Variants in DNAAF11 observed in about 807,000 individuals in gnomAD.
DNAAF11 encodes the protein leucine rich repeat containing 6.
DNAAF11 carries 45 observed loss-of-function variants against 60.8 expected under a neutral mutation model. The ratio of observed to expected loss-of-function variants is 0.74; its 90% CI spans 0.58 to 0.95. The LOEUF is 0.95. DNAAF11 is among the 40% of genes least tolerant of loss of function. The pLI, the probability that DNAAF11 is intolerant of heterozygous loss-of-function variation, is 0.00. For synonymous variants in DNAAF11, 191 were observed against 183.5 expected (o/e 1.04, Z -0.33); for missense variants, 546 against 546.2 (o/e 1.00, Z 0.00).
chr8:132,615,041 T>C lies in DNAAF11; in HGVS notation c.971A>G (p.Tyr324Cys), dbSNP rs779000571. 1.9e-6 allele frequency: 3 copies of C among 1,586,762 alleles called. No homozygotes were observed. In the South Asian group the frequency reaches 3.4e-5, roughly 18 times the overall value. Residue 324 changes from tyrosine to cysteine, a missense_variant, in exon 8 of 12, where the codon TAT (tyrosine) becomes TGT (cysteine). By Grantham distance (194) the Tyr-to-Cys change is radical (BLOSUM62 -2). Transcript: ENST00000620350. ...AATACGTAGAAAATGTCTTTACCTA[T>C]AGACAGCAAGGTCCAGGATGATCTG... is the stretch of plus-strand genomic sequence containing the variant. The part of the protein sequence containing the change: ...EKQIILDLAV[Y>C]RYMDTSLIDV...
chr8:132,674,594 G>A (rs1301900635), intron 1 of DNAAF11, among the ~76,000 whole-genome samples: 1 of 152,164 alleles, frequency 6.6e-6, no homozygotes, highest in Non-Finnish European at 1.5e-5. Context: ...TATTCTTAAA[G>A]AAACACGTTT....
intron 10 of DNAAF11, among the ~76,000 whole-genome samples, chr8:132,594,623 C>G (rs1586515993): frequency 6.6e-6 from 1 of 152,196 alleles, no homozygotes; most frequent in South Asian, 2.1e-4. Flanking sequence ...CAGTTTCCCC[C>G]ATGCTGTTCT....
rs912219762 is a variant in DNAAF11 at position 132,581,041 on chromosome 8, C to T, written c.1226+2653G>A. 3.9e-5 allele frequency among the ~76,000 whole-genome samples: 6 copies of T among 152,258 alleles called. No homozygotes were observed. In the South Asian group the frequency reaches 1.2e-3, roughly 32 times the overall value. ...TCTACGACAGAGGTGGCCTTCGTAA[C>T]AAATGTAGAAAGAATAACCATCTTA... On this transcript the variant is annotated intron_variant, in intron 11 of 11. Coordinates refer to ENST00000620350, the MANE Select transcript of DNAAF11 (RefSeq NM_012472.6).
intron 1 of DNAAF11, among the ~76,000 whole-genome samples, chr8:132,672,317 C>A (rs545271284): frequency 2.0e-5 from 3 of 152,250 alleles, no homozygotes; most frequent in Non-Finnish European, 2.9e-5. Flanking sequence ...AGATTAAATG[C>A]ACAGAGAGGA....
At chr8:132,592,706 C>T (rs555377799) in intron 10 of DNAAF11, among the ~76,000 whole-genome samples, 1 of 152,094 alleles carries the variant, frequency 6.6e-6, no homozygotes, top group East Asian at 1.9e-4. Context: ...ATTTATAATA[C>T]CATTGTAGTA....
At chr8:132,673,564 GCCTTC>G (rs1825394638) in intron 1 of DNAAF11, among the ~76,000 whole-genome samples, 1 of 152,034 alleles carries the variant, frequency 6.6e-6, no homozygotes, top group Non-Finnish European at 1.5e-5. Flanking sequence ...TACCTGTCAG[GCCTTC>G]CTTATCTCTT....
rs747731171 is a variant in DNAAF11, at chr8:132,628,771, T to C, written c.654-3317A>G. The stretch of plus-strand genomic sequence containing the variant: ...AAGACTCAAGGATCAGCCAGGCCTA[T>C]AAGGGAGGCAAGAAGGCACCTGCAA... On this transcript the variant is annotated intron_variant, in intron 5 of 11. Transcript: ENST00000620350. Among the ~76,000 whole-genome samples, 3 of 152,280 alleles carry C rather than the reference T, an allele frequency of 2.0e-5. No homozygotes were observed. The Middle Eastern group carries it at 0.01, about 518-fold the overall frequency.
intron 5 of DNAAF11, among the ~76,000 whole-genome samples, chr8:132,627,043 A>G (rs904982085): frequency 2.1e-4 from 32 of 152,222 alleles, no homozygotes; most frequent in African/African-American, 7.5e-4. Flanking sequence ...ATGCAACTAA[A>G]TATTTTAATA....
chr8:132,606,366 G>A (rs898939130), intron 10 of DNAAF11, among the ~76,000 whole-genome samples: 1 of 152,160 alleles, frequency 6.6e-6, no homozygotes, highest in Non-Finnish European at 1.5e-5. Flanking sequence ...GACAAGATGT[G>A]GAGGCAGAAG....
chr8:132,575,407 T>C (rs1814636284), intron 11 of DNAAF11, among the ~76,000 whole-genome samples: 1 of 152,248 alleles, frequency 6.6e-6, no homozygotes, highest in Non-Finnish European at 1.5e-5. Flanking sequence ...GAGTTCGTTA[T>C]GAAATTCAGT....
intron 3 of DNAAF11, 76 bp from the exon 4 acceptor site, chr8:132,638,183 A>T: frequency 9.3e-7 from 1 of 1,071,602 alleles, no homozygotes; most frequent in Non-Finnish European, 1.4e-6. Flanking sequence ...GTAACATCAC[A>T]TAACAGAAGT....
At chr8:132,671,175 T>A (rs1825153377) in intron 1 of DNAAF11, among the ~76,000 whole-genome samples, 1 of 152,100 alleles carries the variant, frequency 6.6e-6, no homozygotes, top group Admixed American at 6.5e-5. Flanking sequence ...ACAGAGAATA[T>A]CAAATGGAAT....
At chr8:132,626,425 A>T (rs907729967) in intron 5 of DNAAF11, among the ~76,000 whole-genome samples, 2 of 152,224 alleles carry the variant, frequency 1.3e-5, no homozygotes, top group Admixed American at 1.3e-4. Context: ...TTTACATGGT[A>T]ACAGTTCTCT....
chr8:132,580,591 C>A (rs1226137615), intron 11 of DNAAF11, among the ~76,000 whole-genome samples: 1 of 151,850 alleles, frequency 6.6e-6, no homozygotes, highest in Non-Finnish European at 1.5e-5. Flanking sequence ...TATATACCAG[C>A]AACAGAGAAA....
At chr8:132,694,148 C>A in the DNAAF11 span, among the ~76,000 whole-genome samples, 1 of 152,102 alleles carries the variant, frequency 6.6e-6, no homozygotes, top group Non-Finnish European at 1.5e-5. Flanking sequence ...GCTATATTTT[C>A]AAGGTGGACC....
At chr8:132,603,086 T>C (rs2129773502) in intron 10 of DNAAF11, among the ~76,000 whole-genome samples, 1 of 152,260 alleles carries the variant, frequency 6.6e-6, no homozygotes, top group South Asian at 2.1e-4. Context: ...CCCACCTGTG[T>C]GGTCACTGAA....
intron 10 of DNAAF11, among the ~76,000 whole-genome samples, chr8:132,587,426 C>T (rs1816018201): frequency 6.6e-6 from 1 of 151,890 alleles, no homozygotes; most frequent in Non-Finnish European, 1.5e-5. Context: ...CATCTTAATG[C>T]CAACATTCAT....
At position 132,578,319 on chromosome 8, in the gene DNAAF11, C is replaced by T; in HGVS notation, c.1226+5375G>A. On this transcript the variant is annotated intron_variant, in intron 11 of 11. Coordinates refer to ENST00000620350, the MANE Select transcript of DNAAF11 (RefSeq NM_012472.6). ...TAGAGGATTTTAATTACTCATGGATCTCTGGAGTCAAAAACAGTAAGCAGC... is the reference window on the plus strand; with the variant it reads ...TAGAGGATTTTAATTACTCATGGATTTCTGGAGTCAAAAACAGTAAGCAGC... 4 of 633,908 alleles carry T rather than the reference C, an allele frequency of 6.3e-6. No individual in the cohort carries two copies. In the East Asian group the frequency reaches 1.2e-4, roughly 19 times the overall value. The allele number at this position is 633,908 out of a possible 1,614,324, so 39.3% of individuals were successfully genotyped here.
At chr8:132,683,399 T>A in the DNAAF11 span, among the ~76,000 whole-genome samples, 2 of 152,194 alleles carry the variant, frequency 1.3e-5, no homozygotes, top group Non-Finnish European at 2.9e-5. Context: ...TCTGAGCCCA[T>A]TGAGGCACGT....
Sources: gnomAD v4.1 joint callset for allele counts (sites outside exome capture counted in the v4.1 genomes callset) on GRCh38, gnomAD v4.1.1 for gene constraint, MANE v1.5 for transcripts, NCBI Gene and HGNC (gene_info 2026-07-23, HGNC 2026-07-21) for gene names.